Variants in LRRC47 observed in about 807,000 individuals in gnomAD.
The protein encoded by LRRC47 is leucine rich repeat containing 47, also known as leucine-rich repeat-containing protein 47.
Under a neutral mutation model 40.9 loss-of-function variants are expected in LRRC47, and 31 were observed. That is an observed-to-expected ratio of 0.76 (90% confidence interval 0.57 to 1.02). LRRC47 has a LOEUF of 1.02. Ranked by LOEUF, LRRC47 falls within the 50% of genes least tolerant of loss-of-function variation. The pLI, the probability that LRRC47 is intolerant of heterozygous loss-of-function variation, is 0.00. For missense variants in LRRC47, 726 were observed against 796.1 expected, an observed-to-expected ratio of 0.91 and a Z score of 1.06; for synonymous variants, 427 against 371.9, an observed-to-expected ratio of 1.15 and a Z score of -1.70.
rs776285454 is a variant in LRRC47 at position 3,782,754 on chromosome 1, G to A, written c.1320C>T (p.His440=). The change falls in exon 5 of 7, where the codon CAC becomes CAT. Residue 440 remains histidine (H), a synonymous_variant. Transcript: ENST00000378251. Reference sequence around the variant, plus strand: ...GGTAATTTTCATTTCCATCCAGCAAGTGAAGGTATCTGTATGGGAAGAAAT... The same window carrying A: ...GGTAATTTTCATTTCCATCCAGCAAATGAAGGTATCTGTATGGGAAGAAAT... ...QSVSGLHRYL[H]LLDGNENYPC... 4.4e-6 allele frequency: 7 copies of A among 1,593,638 alleles called. No homozygotes were observed. Among genetic ancestry groups the A allele is most frequent in the Non-Finnish European group, 6.0e-6 (7 of 1,161,290 alleles).
intron 1 of LRRC47, among the ~76,000 whole-genome samples, chr1:3,794,548 G>T (rs1052772103): frequency 1.3e-5 from 2 of 151,910 alleles, no homozygotes; most frequent in Non-Finnish European, 2.9e-5. Flanking sequence ...GTTTCACCAT[G>T]TTGGCCAGGC....
At position 3,786,361 on chromosome 1, in the gene LRRC47, A is replaced by G. The variant is rs537336263; in HGVS notation, c.1077+488T>C. Among the ~76,000 whole-genome samples, 10 of 152,238 alleles carry G rather than the reference A, an allele frequency of 6.6e-5. No homozygotes were observed. In the East Asian group the frequency reaches 2.0e-3, roughly 30 times the overall value. On this transcript the variant is annotated intron_variant, in intron 2 of 6. Coordinates refer to ENST00000378251, the MANE Select transcript of LRRC47 (RefSeq NM_020710.3). Reference sequence around the variant, plus strand: ...AAAAATACAAAAAAATTAGCCAGACATGATGGTGAGCACCTGTAATGCCAG... The same window carrying G: ...AAAAATACAAAAAAATTAGCCAGACGTGATGGTGAGCACCTGTAATGCCAG...
chr1:3,787,363 C>CA (rs1557642542), intron 1 of LRRC47, 53 bp from the exon 2 acceptor site: 1 of 1,521,530 alleles, frequency 6.6e-7, no homozygotes, highest in Middle Eastern at 1.9e-4. Context: ...GAAGAGAGTC[C>CA]AAGGTCATGC....
At chr1:3,786,744 T>G (rs771771267) in intron 2 of LRRC47, 105 bp downstream of exon 2, 79 of 1,097,966 alleles carry the variant, frequency 7.2e-5, no homozygotes, top group Non-Finnish European at 9.2e-5. Flanking sequence ...CTGGGCCCCA[T>G]ACTCCACTGC....
chr1:3,794,347 C>T (rs549780815), intron 1 of LRRC47, among the ~76,000 whole-genome samples: 2 of 152,128 alleles, frequency 1.3e-5, no homozygotes, highest in Non-Finnish European at 2.9e-5. Flanking sequence ...ACATCAGTAA[C>T]CATGTGTCAC....
chr1:3,796,396 C>G lies in LRRC47; in HGVS notation c.81G>C (p.Thr27=), dbSNP rs767387880. Residue 27 remains threonine (T), a synonymous_variant, in exon 1 of 7, where the codon ACG becomes ACC. Coordinates refer to ENST00000378251, the MANE Select transcript of LRRC47 (RefSeq NM_020710.3). Reference sequence around the variant, plus strand: ...GCACTCGCTCCTCCAGCCCGGGCCCCGTCAGCAGCAGCTCCCGCCGCCGCT... The same window carrying G: ...GCACTCGCTCCTCCAGCCCGGGCCCGGTCAGCAGCAGCTCCCGCCGCCGCT... The part of the protein sequence containing the change: ...ERERRRELLL[T]GPGLEERVRA... The G allele has an allele frequency of 1.3e-6, 2 of 1,516,552 alleles. No homozygotes were observed. The highest frequency in any genetic ancestry group is 2.4e-5 in the South Asian group (2 of 82,678). 93.9% of individuals were successfully genotyped at this position (1,516,552 alleles called of 1,614,324 possible).
chr1:3,788,496 T>C (rs1042748686), intron 1 of LRRC47, among the ~76,000 whole-genome samples: 3 of 152,122 alleles, frequency 2.0e-5, no homozygotes, highest in African/African-American at 7.2e-5. Context: ...CTGGACTTGA[T>C]AGACTCTGAA....
intron 1 of LRRC47, among the ~76,000 whole-genome samples, chr1:3,790,495 T>C (rs1459900412): frequency 1.3e-5 from 2 of 152,258 alleles, no homozygotes; most frequent in African/African-American, 4.8e-5. Context: ...GCCTGCGTGA[T>C]GGCCACTTAC....
intron 2 of LRRC47, 50 bp downstream of exon 2, chr1:3,786,799 G>A (rs1032765936): frequency 1.8e-5 from 27 of 1,486,562 alleles, no homozygotes; most frequent in South Asian, 5.3e-5. Flanking sequence ...CCAGCTTGCG[G>A]CGTCTCACAC....
In LRRC47 at chr1:3,780,058, T is replaced by C. The variant is rs886371194; in HGVS notation, c.*1030A>G. The C allele has an allele frequency of 6.6e-6, 1 of 152,184 alleles. No individual in the cohort carries two copies. The highest frequency in any genetic ancestry group is 1.5e-5 in the Non-Finnish European group (1 of 68,022). 9.4% of individuals were successfully genotyped at this position (152,184 alleles called of 1,614,324 possible). A position where few individuals can be genotyped will look rare whatever the true frequency, so the allele number is the denominator to read the frequency against. On this transcript the variant is annotated 3_prime_UTR_variant, in exon 7 of 7. Transcript: ENST00000378251. ...GGCATGATATGGTTTTACAAGATGCTGCGTCATAGAAAGTGACCGTGCCGT... is the reference window on the plus strand; with the variant it reads ...GGCATGATATGGTTTTACAAGATGCCGCGTCATAGAAAGTGACCGTGCCGT...
chr1:3,790,125 C>T (rs1221178972), intron 1 of LRRC47, among the ~76,000 whole-genome samples: 2 of 152,234 alleles, frequency 1.3e-5, no homozygotes, highest in Non-Finnish European at 2.9e-5. Context: ...TGGGTCCTGA[C>T]TCTGGCCTGG....
intron 5 of LRRC47, among the ~76,000 whole-genome samples, chr1:3,782,331 G>A (rs1427720568): frequency 1.3e-5 from 2 of 151,882 alleles, no homozygotes; most frequent in African/African-American, 2.4e-5. Flanking sequence ...CGATTCTCCT[G>A]CCTCAGCCTC....
intron 1 of LRRC47, among the ~76,000 whole-genome samples, chr1:3,790,876 GA>G (rs1193062524): frequency 4.4e-5 from 3 of 68,668 alleles, no homozygotes; most frequent in East Asian, 5.6e-4. Flanking sequence ...TCTGGGGAGG[GA>G]AAGGACAGGC....
chr1:3,784,013 A>G lies in LRRC47; in HGVS notation c.1293T>C (p.Ser431=), dbSNP rs781761723. 2.5e-6 allele frequency: 4 copies of G among 1,608,076 alleles called. No homozygotes were observed. The East Asian group carries it at 8.9e-5, about 36-fold the overall frequency. ...CTGCCCACCTGTGCAGGCCCGACAC[A>G]CTCTGCCGCTTCTTCTGCTTCCTCT... The part of the protein sequence containing the change: ...EEQRKQKKRQ[S]VSGLHRYLHL... Residue 431 remains serine (S), a synonymous_variant, in exon 4 of 7, where the codon AGT becomes AGC. Transcript: ENST00000378251.
At chr1:3,785,272 A>G (rs965785859) in intron 2 of LRRC47, 69 bp from the exon 3 acceptor site, 15 of 1,135,566 alleles carry the variant, frequency 1.3e-5, no homozygotes, top group Non-Finnish European at 1.8e-5. Flanking sequence ...TCCACACTTC[A>G]CCCTTGGCTG....
chr1:3,793,651 G>C (rs1643647107), intron 1 of LRRC47, among the ~76,000 whole-genome samples: 1 of 152,132 alleles, frequency 6.6e-6, no homozygotes, highest in African/African-American at 2.4e-5. Context: ...CAGCACTGTG[G>C]AACCTAAGAC....
chr1:3,790,305 G>A (rs1643614891), intron 1 of LRRC47, among the ~76,000 whole-genome samples: 2 of 152,230 alleles, frequency 1.3e-5, no homozygotes, highest in East Asian at 1.9e-4. Context: ...GAAGCTGGGG[G>A]AGAGCCTTTG....
chr1:3,783,801 G>A (rs1464338341), intron 4 of LRRC47, 195 bp downstream of exon 4: 15 of 586,912 alleles, frequency 2.6e-5, no homozygotes, highest in Non-Finnish European at 4.2e-5. Flanking sequence ...CTTCCCTCAC[G>A]TCAGGGCCAT....
At chr1:3,791,857 G>A (rs968259499) in intron 1 of LRRC47, among the ~76,000 whole-genome samples, 10 of 152,102 alleles carry the variant, frequency 6.6e-5, no homozygotes, top group African/African-American at 1.9e-4. Flanking sequence ...AGGTTTAAGC[G>A]TTCACCCCAC....
Sources: gnomAD v4.1 joint callset for allele counts (sites outside exome capture counted in the v4.1 genomes callset) on GRCh38, gnomAD v4.1.1 for gene constraint, MANE v1.5 for transcripts, NCBI Gene and HGNC (gene_info 2026-07-23, HGNC 2026-07-21) for gene names.